The following CNGB1 variants were observed in gnomAD, a reference collection of about 807,000 sequenced individuals.
CNGB1 encodes the protein cyclic nucleotide gated channel subunit beta 1.
In CNGB1, 126 loss-of-function variants were observed where a neutral mutation model predicts 151.7. The ratio of observed to expected loss-of-function variants is 0.83; its 90% CI spans 0.72 to 0.96. The LOEUF (loss-of-function observed/expected upper bound fraction) is 0.96. CNGB1 is among the 40% of genes least tolerant of loss of function. CNGB1 has a pLI of 0.00. For synonymous variants in CNGB1, 623 were observed against 635.1 expected, an observed-to-expected ratio of 0.98 and a Z score of 0.29; for missense variants, 1,698 against 1,627.0, an observed-to-expected ratio of 1.04 and a Z score of -0.75.
chr16:57,892,261 C>G (rs865942014), intron 31 of CNGB1, among the ~76,000 whole-genome samples: 2 of 152,022 alleles, frequency 1.3e-5, no homozygotes. Flanking sequence ...TTGATCTTGG[C>G]GTTGCAAGTC....
chr16:57,897,292 A>G, intron 31 of CNGB1, 105 bp downstream of exon 31: 1 of 1,245,430 alleles, frequency 8.0e-7, no homozygotes, highest in South Asian at 1.3e-5. Flanking sequence ...ACAGAGCAAG[A>G]TGTCATCTCA....
intron 7 of CNGB1, 70 bp from the exon 8 acceptor site, chr16:57,960,985 GGCCAGGCCTC>G: frequency 7.0e-7 from 1 of 1,436,608 alleles, no homozygotes; most frequent in Non-Finnish European, 9.7e-7. Flanking sequence ...CCCACCTCGG[GGCCAGGCCTC>G]AACCAGCCAT....
At chr16:57,928,847 C>CTGTTG (rs1340992543) in intron 17 of CNGB1, among the ~76,000 whole-genome samples, 1 of 152,132 alleles carries the variant, frequency 6.6e-6, no homozygotes, top group African/African-American at 2.4e-5. Context: ...CCATGTTGGC[C>CTGTTG]AGGCTGGTCT....
At chr16:57,899,322 GAAA>G (rs138941043) in intron 29 of CNGB1, among the ~76,000 whole-genome samples, 29,581 of 150,748 alleles carry the variant, frequency 0.2, 3,414 homozygotes, top group African/African-American at 0.33. Context: ...GAGGTCTACA[GAAA>G]AAAAAAATAA....
At chr16:57,954,926 T>A (rs2149383816) in intron 12 of CNGB1, 1 of 1,027,814 alleles carries the variant, frequency 9.7e-7, no homozygotes. Flanking sequence ...TTAAAAAAGG[T>A]TTTTTAGAGA....
chr16:57,903,692 A>G, intron 27 of CNGB1, 130 bp downstream of exon 27: 1 of 1,179,248 alleles, frequency 8.5e-7, no homozygotes, highest in Admixed American at 2.0e-5. Flanking sequence ...GGACACAGCC[A>G]AGACAGGCCC....
At chr16:57,954,848 G>A (rs1157561917) in intron 12 of CNGB1, 2 of 1,000,122 alleles carry the variant, frequency 2.0e-6, no homozygotes, top group Non-Finnish European at 2.4e-6. Flanking sequence ...TGGGGGCTGT[G>A]CACGCGTCCT....
intron 16 of CNGB1, among the ~76,000 whole-genome samples, chr16:57,937,822 A>T (rs1309895674): frequency 1.3e-5 from 2 of 152,154 alleles, no homozygotes; most frequent in South Asian, 2.1e-4. Context: ...ATCACCTGGG[A>T]AGGTTTGACA....
chr16:57,915,165 G>T, intron 23 of CNGB1, 84 bp downstream of exon 23: 3 of 1,115,380 alleles, frequency 2.7e-6, no homozygotes, highest in Non-Finnish European at 4.0e-6. Flanking sequence ...CCCCAGTGCT[G>T]CTGGGGGCAG....
intron 29 of CNGB1, 29 bp from the exon 30 acceptor site, chr16:57,897,943 G>A: frequency 6.2e-7 from 1 of 1,608,602 alleles, no homozygotes; most frequent in Non-Finnish European, 8.5e-7. Context: ...AAGTCCCTCT[G>A]TTCATCCCCC....
At chr16:57,925,685 C>T (rs1030092065) in intron 17 of CNGB1, among the ~76,000 whole-genome samples, 2 of 145,514 alleles carry the variant, frequency 1.4e-5, no homozygotes, top group African/African-American at 5.3e-5. Context: ...AAGGGAAGTT[C>T]ATGATTACTT....
intron 12 of CNGB1, chr16:57,954,782 C>A (rs1287457273): frequency 5.0e-5 from 49 of 989,198 alleles, no homozygotes; most frequent in Non-Finnish European, 5.8e-5. Context: ...CTAGGGAGAA[C>A]CTCTTCTGGG....
intron 2 of CNGB1, among the ~76,000 whole-genome samples, chr16:57,966,771 G>C (rs1292404344): frequency 6.6e-6 from 1 of 152,124 alleles, no homozygotes. Flanking sequence ...GCTATTGCTT[G>C]TTTTTATAAA....
At chr16:57,951,549 C>T (rs1442119041) in intron 12 of CNGB1, among the ~76,000 whole-genome samples, 1 of 152,146 alleles carries the variant, frequency 6.6e-6, no homozygotes, top group Admixed American at 6.5e-5. Flanking sequence ...AAATGGAAGC[C>T]GGCCTCAAGT....
At chr16:57,935,047 A>G (rs1419463751) in intron 16 of CNGB1, among the ~76,000 whole-genome samples, 1 of 145,032 alleles carries the variant, frequency 6.9e-6, no homozygotes, top group East Asian at 2.0e-4. Flanking sequence ...CTCCATCTCA[A>G]AAAAAAAAAA....
chr16:57,920,514 G>A lies in CNGB1; in HGVS notation c.1674C>T (p.Ser558=). The A allele has an allele frequency of 6.2e-7, 1 of 1,613,828 alleles. No individual in the cohort carries two copies. Among genetic ancestry groups the A allele is most frequent in the African/African-American group, 1.3e-5 (1 of 75,060 alleles). ...DGQDRAASTA[S]TNSAIINDRL... is the part of the protein sequence containing the mutation. ...GGTCGTTGATGATGGCGCTATTTGT[G>A]CTGGCCGTGGAGGCCGCACGGTCCT... Residue 558 remains serine (S), a synonymous_variant, in exon 19 of 33, where the codon AGC becomes AGT. Transcript: ENST00000251102.
At chr16:57,957,424 C>A (rs777300234) in intron 11 of CNGB1, 47 bp from the exon 12 acceptor site, 1 of 1,563,864 alleles carries the variant, frequency 6.4e-7, no homozygotes, top group South Asian at 1.1e-5. Flanking sequence ...GGCCTCTTCA[C>A]CAGCCTCCCC....
At chr16:57,958,148 G>A (rs1208319719) in intron 11 of CNGB1, among the ~76,000 whole-genome samples, 2 of 152,138 alleles carry the variant, frequency 1.3e-5, no homozygotes, top group Non-Finnish European at 2.9e-5. Flanking sequence ...CCTTCTTGAT[G>A]CTCCCAGGAG....
chr16:57,883,778 A>T lies in CNGB1; in HGVS notation c.*386T>A. The T allele has an allele frequency of 3.3e-6, 1 of 300,638 alleles. No individual in the cohort carries two copies. The highest frequency in any genetic ancestry group is 4.9e-5 in the Admixed American group (1 of 20,408). 18.6% of individuals were successfully genotyped at this position (300,638 alleles called of 1,614,324 possible). ...AAATTCCTGAGGGGAAACCCCACAC[A>T]TTCAATAACACTTTACTTTTTCAGC... On this transcript the variant is annotated 3_prime_UTR_variant, in exon 33 of 33. Coordinates refer to ENST00000251102, the MANE Select transcript of CNGB1 (RefSeq NM_001297.5).
Sources: allele counts gnomAD v4.1 joint callset (sites outside exome capture counted in the v4.1 genomes callset), GRCh38; gene constraint gnomAD v4.1.1; transcripts MANE v1.5; gene names NCBI Gene and HGNC (gene_info 2026-07-23, HGNC 2026-07-21).